Variants in C18orf54 observed in about 807,000 individuals in gnomAD.
C18orf54 encodes chromosome 18 open reading frame 54.
C18orf54 carries 49 observed loss-of-function variants against 49.3 expected under a neutral mutation model. The ratio of observed to expected loss-of-function variants is 0.99; its 90% CI spans 0.79 to 1.26. The LOEUF (loss-of-function observed/expected upper bound fraction) is 1.26. Ranked by LOEUF, C18orf54 falls within the 50% of genes most tolerant of loss-of-function variation. The pLI is 0.00. For synonymous variants in C18orf54, 211 were observed against 216.6 expected, an observed-to-expected ratio of 0.97 and a Z score of 0.23; for missense variants, 687 against 620.6, an observed-to-expected ratio of 1.11 and a Z score of -1.14.
intron 6 of C18orf54, among the ~76,000 whole-genome samples, chr18:54,368,799 C>G (rs4940324): frequency 0.74 from 113,194 of 152,008 alleles, 42,557 homozygotes; most frequent in African/African-American, 0.86. Flanking sequence ...TATTTATTAA[C>G]TGAAAACCTT....
intron 6 of C18orf54, among the ~76,000 whole-genome samples, chr18:54,370,913 A>G (rs2144743526): frequency 6.6e-6 from 1 of 151,082 alleles, no homozygotes; most frequent in East Asian, 1.9e-4. Flanking sequence ...AGGGTGTAGG[A>G]GTATATCCTA....
At chr18:54,378,095 A>AT in intron 8 of C18orf54, 79 bp from the exon 9 acceptor site, 1 of 1,084,084 alleles carries the variant, frequency 9.2e-7, no homozygotes. Flanking sequence ...AGTCAACTTT[A>AT]TTTATTTTTT....
At chr18:54,364,720 A>G (rs897842079) in intron 5 of C18orf54, among the ~76,000 whole-genome samples, 16 of 152,100 alleles carry the variant, frequency 1.1e-4, no homozygotes, top group Non-Finnish European at 2.2e-4. Context: ...CAATCTGGTA[A>G]ATGTTTTTTA....
intron 2 of C18orf54, among the ~76,000 whole-genome samples, chr18:54,359,964 C>A (rs2089229789): frequency 6.6e-6 from 1 of 152,164 alleles, no homozygotes; most frequent in Non-Finnish European, 1.5e-5. Context: ...ATTGCTAACT[C>A]ATTCCAGAAT....
intron 2 of C18orf54, among the ~76,000 whole-genome samples, chr18:54,359,981 T>G (rs2089230439): frequency 6.6e-6 from 1 of 152,232 alleles, no homozygotes; most frequent in Admixed American, 6.5e-5. Flanking sequence ...GAATAAGACC[T>G]GCAGTTTATT....
intron 2 of C18orf54, 29 bp downstream of exon 2, chr18:54,358,899 T>C (rs769762753): frequency 2.0e-5 from 3 of 151,928 alleles, no homozygotes; most frequent in Non-Finnish European, 4.4e-5. Flanking sequence ...GCATGAGATA[T>C]GTGGGGTTCA....
chr18:54,364,112 A>G (rs2089329367), intron 5 of C18orf54: 1 of 137,322 alleles, frequency 7.3e-6, no homozygotes, highest in South Asian at 2.4e-4. Flanking sequence ...TTCTCCTTAT[A>G]TATTTCATAT....
In C18orf54 at chr18:54,378,362, C is replaced by T; in HGVS notation, c.*116C>T. The T allele has an allele frequency of 1.1e-6, 1 of 885,320 alleles. No individual in the cohort carries two copies. The highest frequency in any genetic ancestry group is 1.7e-6 in the Non-Finnish European group (1 of 586,444). The allele number at this position is 885,320 out of a possible 1,614,324, so 54.8% of individuals were successfully genotyped here. On this transcript the variant is annotated 3_prime_UTR_variant, in exon 9 of 9. Transcript: ENST00000620105. ...GCCATACATTATTTTGTGGTTGGTT[C>T]AAGGATTATATATTTCTAAAACACT...
chr18:54,361,498 C>T, intron 3 of C18orf54, 145 bp from the exon 4 acceptor site: 1 of 673,504 alleles, frequency 1.5e-6, no homozygotes. Context: ...TTTTATCCAC[C>T]TACACCTTTT....
At chr18:54,363,071 A>G (rs1423049393) in intron 5 of C18orf54, 150 bp downstream of exon 5, 30 of 732,956 alleles carry the variant, frequency 4.1e-5, no homozygotes, top group Non-Finnish European at 5.3e-5. Context: ...TGCATTTTTC[A>G]TTTATTACCA....
chr18:54,362,575 A>G (rs1004992981), intron 4 of C18orf54, 144 bp downstream of exon 4: 3 of 896,086 alleles, frequency 3.3e-6, no homozygotes, highest in Admixed American at 3.4e-5. Flanking sequence ...TAATCTTCAC[A>G]TACAGCATTT....
Position 54,360,641 on chromosome 18 carries a change from C to G in C18orf54, c.69C>G (p.Ser23Arg). 1 of 1,614,098 alleles carries G rather than the reference C, an allele frequency of 6.2e-7. No individual in the cohort carries two copies. The highest frequency in any genetic ancestry group is 8.5e-7 in the Non-Finnish European group (1 of 1,179,940). The change falls in exon 3 of 9, where the codon AGC (serine) becomes AGG (arginine). Residue 23 changes from serine (S) to arginine (R), a missense_variant. Ser to Arg is a moderately radical substitution (Grantham distance 110, BLOSUM62 -1). Coordinates refer to ENST00000620105, the MANE Select transcript of C18orf54 (RefSeq NM_001288980.2). Reference protein sequence around the residue: ...QESSVSALLASCTLSGSNSSN... With the variant: ...QESSVSALLARCTLSGSNSSN... ...CTTCAGTATCTGCCCTGCTGGCAAGCTGCACCCTGAGTGGTAGTAATTCCT... is the reference window on the plus strand; with the variant it reads ...CTTCAGTATCTGCCCTGCTGGCAAGGTGCACCCTGAGTGGTAGTAATTCCT...
intron 6 of C18orf54, among the ~76,000 whole-genome samples, chr18:54,371,056 C>A (rs1301880299): frequency 2.0e-5 from 3 of 151,868 alleles, no homozygotes; most frequent in African/African-American, 7.3e-5. Context: ...CATTAAGTAC[C>A]TTCACATTGT....
At chr18:54,362,457 T>G (rs2089291830) in intron 4 of C18orf54, 26 bp downstream of exon 4, 1 of 1,436,062 alleles carries the variant, frequency 7.0e-7, no homozygotes. Context: ...TTGCTTATAG[T>G]TATTTATTTT....
chr18:54,362,249 A>G lies in C18orf54; in HGVS notation c.890A>G (p.Gln297Arg), dbSNP rs1299489749. ...QCSPRHSHQAQGTSRLINKLD... is the reference protein window; with the variant it reads ...QCSPRHSHQARGTSRLINKLD... ...TCCCCTAGACATAGTCATCAGGCAC[A>G]AGGAACTTCTCGGCTTATCAATAAA... Residue 297 changes from glutamine (Q) to arginine (R), a missense_variant, in exon 4 of 9, where the codon CAA becomes CGA. Coordinates refer to ENST00000620105, the MANE Select transcript of C18orf54 (RefSeq NM_001288980.2). 3 of 1,536,490 alleles carry G rather than the reference A, an allele frequency of 2.0e-6. No homozygotes were observed. Among genetic ancestry groups the G allele is most frequent in the Non-Finnish European group, 2.6e-6 (3 of 1,146,946 alleles).
intron 2 of C18orf54, among the ~76,000 whole-genome samples, chr18:54,359,387 A>G (rs2089214720): frequency 6.6e-6 from 1 of 152,232 alleles, no homozygotes; most frequent in African/African-American, 2.4e-5. Flanking sequence ...ATGAGACGAA[A>G]CAACTGTTAC....
chr18:54,376,624 G>A (rs971515360), intron 8 of C18orf54, among the ~76,000 whole-genome samples: 2 of 152,180 alleles, frequency 1.3e-5, no homozygotes, highest in Admixed American at 6.5e-5. Flanking sequence ...TGGCCACCAC[G>A]CCCAGCTGAA....
At chr18:54,368,869 ATTTAT>A (rs1568187241) in intron 6 of C18orf54, among the ~76,000 whole-genome samples, 1 of 152,128 alleles carries the variant, frequency 6.6e-6, no homozygotes, top group Non-Finnish European at 1.5e-5. Context: ...AGATTCACTA[ATTTAT>A]TTTATTCTTG....
intron 2 of C18orf54, among the ~76,000 whole-genome samples, chr18:54,359,351 C>T (rs558762585): frequency 3.8e-3 from 575 of 152,212 alleles, no homozygotes; most frequent in Non-Finnish European, 6.9e-3. Flanking sequence ...AGAGATATAC[C>T]AGTATTACAG....
Sources: gnomAD v4.1 joint callset for allele counts (sites outside exome capture counted in the v4.1 genomes callset) on GRCh38, gnomAD v4.1.1 for gene constraint, MANE v1.5 for transcripts, NCBI Gene and HGNC (gene_info 2026-07-23, HGNC 2026-07-21) for gene names.